Variants in DNAH8 observed in about 807,000 individuals in gnomAD.
The protein encoded by DNAH8 is axonemal beta dynein heavy chain 8.
In DNAH8, 382 loss-of-function variants were observed where a neutral mutation model predicts 562.1. The observed-to-expected ratio is 0.68, with a 90% CI of 0.63 to 0.74. DNAH8 has a LOEUF of 0.74. Ranked by LOEUF, DNAH8 falls within the 30% of genes least tolerant of loss-of-function variation. DNAH8 has a pLI of 0.00. For synonymous variants in DNAH8, 1,881 were observed against 1,919.4 expected, an observed-to-expected ratio of 0.98 and a Z score of 0.52; for missense variants, 5,203 against 5,620.4, an observed-to-expected ratio of 0.93 and a Z score of 2.37.
chr6:38,807,674 G>A lies in DNAH8; in HGVS notation c.3215G>A (p.Arg1072Gln), dbSNP rs201654193. ...QLLDSLQKAT[R>Q]LSLDTMKRRI... ...CTAGACAGTCTTCAAAAAGCTACAC[G>A]GTTATCTCTGGACACAATGAAAAGA... Residue 1072 changes from arginine (R) to glutamine (Q), a missense_variant, in exon 24 of 93, where the codon CGG (arginine) becomes CAG (glutamine). Around this residue, in one of 6 missense-constraint regions of DNAH8, gnomAD observed 2,176 missense variants for 2,365.1 expected, o/e 0.92. Coordinates refer to ENST00000327475, the MANE Select transcript of DNAH8 (RefSeq NM_001206927.2). 2.4e-4 allele frequency: 373 copies of A among 1,564,054 alleles called. 3 individuals are homozygous for A. In the Middle Eastern group the frequency reaches 4.1e-3, roughly 17 times the overall value.
intron 71 of DNAH8, among the ~76,000 whole-genome samples, chr6:38,921,952 T>TG (rs1334654675): frequency 6.7e-6 from 1 of 150,048 alleles, no homozygotes; most frequent in Non-Finnish European, 1.5e-5. Flanking sequence ...CGGGCAGGGG[T>TG]GGGGGTCACA....
intron 5 of DNAH8, 133 bp from the exon 6 acceptor site, chr6:38,736,934 C>A: frequency 1.4e-5 from 8 of 555,666 alleles, no homozygotes; most frequent in Non-Finnish European, 2.0e-5. Context: ...AGGTTCATAA[C>A]CACTTAAGAT....
In DNAH8 at chr6:38,882,904, A is replaced by G. The variant is rs1450781424; in HGVS notation, c.7859-6A>G. On this transcript the variant is annotated splice_polypyrimidine_tract_variant and splice_region_variant and intron_variant, in intron 53 of 92. Coordinates refer to ENST00000327475, the MANE Select transcript of DNAH8 (RefSeq NM_001206927.2). Reference sequence around the variant, plus strand: ...CTATTAAGATGAAATTTTACTTATTATATAGGTGATTGGGAGCACTGGAAT... The same window carrying G: ...CTATTAAGATGAAATTTTACTTATTGTATAGGTGATTGGGAGCACTGGAAT... The G allele has an allele frequency of 3.2e-6, 5 of 1,552,778 alleles. No homozygotes were observed. The highest frequency in any genetic ancestry group is 2.3e-5 in the East Asian group (1 of 43,146).
intron 88 of DNAH8, among the ~76,000 whole-genome samples, chr6:38,995,770 A>G (rs1765096330): frequency 6.6e-6 from 1 of 152,242 alleles, no homozygotes; most frequent in Non-Finnish European, 1.5e-5. Context: ...AAGTGTGGAC[A>G]TAACACTAGC....
At chr6:38,814,977 C>A (rs1678694) in intron 25 of DNAH8, among the ~76,000 whole-genome samples, 1 of 151,856 alleles carries the variant, frequency 6.6e-6, no homozygotes, top group Non-Finnish European at 1.5e-5. Flanking sequence ...AGAAACGGTC[C>A]GTGACTCACC....
chr6:38,786,774 C>G lies in DNAH8; in HGVS notation c.2405C>G (p.Ala802Gly), dbSNP rs1425821148. The change falls in exon 18 of 93, where the codon GCC (alanine) becomes GGC (glycine). Residue 802 changes from alanine (A) to glycine (G), a missense_variant. Coordinates refer to ENST00000327475, the MANE Select transcript of DNAH8 (RefSeq NM_001206927.2). The part of the protein sequence containing the change: ...EISQLHYALQ[A>G]TLFVRHPETG... ...CATTATTTATTTGTAGCTTTACAAG[C>G]CACGCTTTTTGTGCGACATCCAGAA... 6 of 1,610,990 alleles carry G rather than the reference C, an allele frequency of 3.7e-6. No homozygotes were observed. The highest frequency in any genetic ancestry group is 5.1e-6 in the Non-Finnish European group (6 of 1,178,996).
At chr6:38,798,229 G>A (rs570876341) in intron 21 of DNAH8, among the ~76,000 whole-genome samples, 1 of 152,190 alleles carries the variant, frequency 6.6e-6, no homozygotes, top group Non-Finnish European at 1.5e-5. Context: ...GGTCATGGTT[G>A]CACAAGTCTG....
chr6:38,743,168 C>A (rs1054239006), intron 8 of DNAH8, among the ~76,000 whole-genome samples: 1 of 151,770 alleles, frequency 6.6e-6, no homozygotes, highest in Non-Finnish European at 1.5e-5. Context: ...CTGTCATATG[C>A]CACCATGCCC....
At position 39,008,879 on chromosome 6, in the gene DNAH8, G is replaced by A; in HGVS notation, c.13280G>A (p.Gly4427Glu). ...ACCAACATTCAACCCAAAGAGAGTG[G>A]AGGTGGTGTGGGAGAGACCCGGGAG... Reference protein sequence around the residue: ...TITNIQPKESGGGVGETREAI... With the variant: ...TITNIQPKESEGGVGETREAI... The change falls in exon 89 of 93, where the codon GGA becomes GAA. Residue 4427 changes from glycine to glutamate, a missense_variant. Physicochemically the swap from Gly to Glu is moderately conservative, Grantham distance 98. This residue lies in a region of DNAH8 where 1,399 missense variants were observed against 1,518.4 expected (regional missense o/e 0.92). Transcript: ENST00000327475. 2 of 1,606,596 alleles carry A rather than the reference G, an allele frequency of 1.2e-6. No individual in the cohort carries two copies. The highest frequency in any genetic ancestry group is 1.1e-5 in the South Asian group (1 of 90,886).
chr6:38,814,030 A>G (rs757573549), intron 24 of DNAH8, 24 bp from the exon 25 acceptor site: 5 of 1,495,682 alleles, frequency 3.3e-6, no homozygotes, highest in South Asian at 1.2e-5. Context: ...AAGGTTCATC[A>G]GCTAAATGTC....
In DNAH8 at chr6:38,783,169, A is replaced by G. The variant is rs755125156; in HGVS notation, c.2395+30A>G. 43 of 1,606,896 alleles carry G rather than the reference A, an allele frequency of 2.7e-5. No individual in the cohort carries two copies. The Middle Eastern group carries it at 8.3e-4, about 31-fold the overall frequency. On this transcript the variant is annotated intron_variant, in intron 17 of 92. Transcript: ENST00000327475. Reference sequence around the variant, plus strand: ...GTATAACACTGCCATGAGCCTACAAAGTAGGGATTAGGTGATTTTGAATGA... The same window carrying G: ...GTATAACACTGCCATGAGCCTACAAGGTAGGGATTAGGTGATTTTGAATGA...
intron 15 of DNAH8, 146 bp downstream of exon 15, chr6:38,780,211 A>G: frequency 1.3e-6 from 1 of 786,190 alleles, no homozygotes; most frequent in Non-Finnish European, 2.0e-6. Flanking sequence ...CTGTGTGGGA[A>G]GGTGCTTGAC....
chr6:38,967,798 C>T (rs1179359424), intron 82 of DNAH8, among the ~76,000 whole-genome samples: 1 of 152,042 alleles, frequency 6.6e-6, no homozygotes, highest in Admixed American at 6.6e-5. Context: ...TATGGAAATT[C>T]ATGGGACCCA....
rs2801817 is a variant in DNAH8, at chr6:38,717,094, C to A, written c.-35+1679C>A. 6.0e-3 allele frequency among the ~76,000 whole-genome samples: 906 copies of A among 152,240 alleles called. 7 individuals carry two copies. Among genetic ancestry groups the A allele is most frequent in the African/African-American group, 0.021 (858 of 41,554 alleles). The stretch of plus-strand genomic sequence containing the variant: ...AAGTGTGATTGTGTACGCCTTTAGT[C>A]CTAGCTACTTGGGAGGCTGAGGTAG... On this transcript the variant is annotated intron_variant, in intron 1 of 92. Transcript: ENST00000327475.
chr6:38,750,361 A>G (rs1171263664), intron 8 of DNAH8, 115 bp from the exon 9 acceptor site: 1 of 562,806 alleles, frequency 1.8e-6, no homozygotes, highest in Admixed American at 3.5e-5. Context: ...AATCACACTT[A>G]AATATCTACC....
chr6:38,877,372 G>A (rs950994182), intron 53 of DNAH8, among the ~76,000 whole-genome samples: 2 of 151,586 alleles, frequency 1.3e-5, no homozygotes, highest in African/African-American at 4.8e-5. Flanking sequence ...CAAGTAGCTA[G>A]GACTGGTTCT....
chr6:38,715,837 AG>A (rs1174532692), intron 1 of DNAH8, among the ~76,000 whole-genome samples: 3 of 107,156 alleles, frequency 2.8e-5, no homozygotes, highest in Non-Finnish European at 4.9e-5. Flanking sequence ...ATGACCCTGA[AG>A]TCTCAGACTT....
intron 91 of DNAH8, among the ~76,000 whole-genome samples, chr6:39,014,654 G>A (rs941916804): frequency 1.2e-4 from 19 of 152,320 alleles, no homozygotes; most frequent in Non-Finnish European, 1.5e-5. Context: ...GAAGCAGTGA[G>A]TAGGGTTTGC....
At chr6:38,890,622 C>T (rs746367815) in intron 57 of DNAH8, 30 bp from the exon 58 acceptor site, 2 of 1,467,680 alleles carry the variant, frequency 1.4e-6, no homozygotes, top group Admixed American at 1.7e-5. Context: ...TTTTGGTAAG[C>T]TTATACCTTC....
Sources: gnomAD v4.1 joint callset for allele counts (sites outside exome capture counted in the v4.1 genomes callset) on GRCh38, gnomAD v4.1.1 for gene constraint, gnomAD v4.1.1 regional missense constraint, MANE v1.5 for transcripts, NCBI Gene and HGNC (gene_info 2026-07-23, HGNC 2026-07-21) for gene names.